Variants in TOP6BL observed in about 807,000 individuals in gnomAD.
TOP6BL encodes the protein TOP6B like initiator of meiotic double strand breaks, also known as type 2 DNA topoisomerase 6 subunit B-like.
chr11:66,821,841 A>G, the TOP6BL span: 2 of 1,532,064 alleles, frequency 1.3e-6, no homozygotes, highest in Non-Finnish European at 1.8e-6. Context: ...GGCAGGGCCC[A>G]GGAGCCCTTC....
chr11:66,790,280 A>AT, the TOP6BL span, among the ~76,000 whole-genome samples: 3 of 152,114 alleles, frequency 2.0e-5, no homozygotes, highest in African/African-American at 4.8e-5. Context: ...AAAAAAAAAA[A>AT]GATATGTTAC....
the TOP6BL span, among the ~76,000 whole-genome samples, chr11:66,819,022 A>T: frequency 6.6e-6 from 1 of 152,206 alleles, no homozygotes; most frequent in African/African-American, 2.4e-5. Flanking sequence ...GTAATTTAAG[A>T]CTAGCCTCTG....
At chr11:66,746,221 C>T in the TOP6BL span, among the ~76,000 whole-genome samples, 1 of 152,196 alleles carries the variant, frequency 6.6e-6, no homozygotes, top group Non-Finnish European at 1.5e-5. Flanking sequence ...CCAGATCTCC[C>T]TGCCTTTAAA....
the TOP6BL span, among the ~76,000 whole-genome samples, chr11:66,838,741 A>C: frequency 1.3e-5 from 2 of 151,714 alleles, no homozygotes; most frequent in Non-Finnish European, 2.9e-5. Context: ...TTTTATTTTT[A>C]TTTTTTTGAG....
chr11:66,756,479 C>T, the TOP6BL span: 3 of 1,063,306 alleles, frequency 2.8e-6, no homozygotes, highest in Middle Eastern at 5.2e-4. Flanking sequence ...ATTACAGATG[C>T]CCACCACCAT....
the TOP6BL span, among the ~76,000 whole-genome samples, chr11:66,751,498 ATTT>A: frequency 1.2e-4 from 16 of 135,870 alleles, no homozygotes; most frequent in Admixed American, 7.4e-5. Flanking sequence ...TGGCTGACTA[ATTT>A]TTTTTTTTTT....
the TOP6BL span, among the ~76,000 whole-genome samples, chr11:66,836,185 A>C: frequency 5.9e-5 from 9 of 152,118 alleles, no homozygotes; most frequent in African/African-American, 2.2e-4. Context: ...ATCTTCTTTG[A>C]AGAAAGGTCT....
At chr11:66,778,237 A>G in the TOP6BL span, among the ~76,000 whole-genome samples, 2 of 151,984 alleles carry the variant, frequency 1.3e-5, no homozygotes, top group East Asian at 3.9e-4. Context: ...TCTAGGATGA[A>G]ATTTAGGATG....
chr11:66,791,880 C>T, the TOP6BL span, among the ~76,000 whole-genome samples: 7 of 150,456 alleles, frequency 4.7e-5, no homozygotes, highest in South Asian at 4.2e-4. Context: ...TGTAGTGGCG[C>T]GATCTCAGCT....
the TOP6BL span, among the ~76,000 whole-genome samples, chr11:66,817,870 A>G: frequency 6.6e-6 from 1 of 152,096 alleles, no homozygotes; most frequent in Non-Finnish European, 1.5e-5. Context: ...AATAGAGTAA[A>G]ATTTGAAAAC....
At chr11:66,831,593 G>A in the TOP6BL span, among the ~76,000 whole-genome samples, 1 of 152,230 alleles carries the variant, frequency 6.6e-6, no homozygotes, top group East Asian at 1.9e-4. Flanking sequence ...TGGGAGGTGG[G>A]AGAGTTGGAA....
At chr11:66,793,072 C>T in the TOP6BL span, among the ~76,000 whole-genome samples, 14 of 151,382 alleles carry the variant, frequency 9.2e-5, no homozygotes, top group Admixed American at 7.3e-4. Flanking sequence ...TAATAATCCC[C>T]CATCCATTTT....
chr11:66,781,065 G>A, the TOP6BL span, among the ~76,000 whole-genome samples: 1 of 151,976 alleles, frequency 6.6e-6, no homozygotes, highest in African/African-American at 2.4e-5. Context: ...GGTTTGCTGA[G>A]CTTTTCACAC....
the TOP6BL span, among the ~76,000 whole-genome samples, chr11:66,774,382 C>T: frequency 6.6e-6 from 1 of 152,038 alleles, no homozygotes; most frequent in African/African-American, 2.4e-5. Flanking sequence ...TAGAATAAAT[C>T]TTGCTATATG....
the TOP6BL span, among the ~76,000 whole-genome samples, chr11:66,784,953 TTTC>T: frequency 2.1e-5 from 3 of 141,100 alleles, no homozygotes; most frequent in African/African-American, 8.1e-5. Flanking sequence ...ATTTCTAAGA[TTTC>T]TTTTTTTTTT....
At chr11:66,778,194 A>T in the TOP6BL span, among the ~76,000 whole-genome samples, 2 of 150,306 alleles carry the variant, frequency 1.3e-5, no homozygotes, top group Non-Finnish European at 3.0e-5. Context: ...GAGCCACTGC[A>T]CCCAGCCTTC....
the TOP6BL span, among the ~76,000 whole-genome samples, chr11:66,761,146 C>T: frequency 6.6e-6 from 1 of 151,748 alleles, no homozygotes; most frequent in Non-Finnish European, 1.5e-5. Context: ...CTGAAGTGGG[C>T]GGATCACGAG....
At chr11:66,826,751 C>T in the TOP6BL span, among the ~76,000 whole-genome samples, 4 of 151,678 alleles carry the variant, frequency 2.6e-5, no homozygotes, top group Non-Finnish European at 5.9e-5. Flanking sequence ...GGTGCAATCT[C>T]GGCTCACTGC....
At chr11:66,756,873 G>C in the TOP6BL span, among the ~76,000 whole-genome samples, 3 of 151,914 alleles carry the variant, frequency 2.0e-5, no homozygotes, top group African/African-American at 7.3e-5. Flanking sequence ...ATCATGACCT[G>C]CTAATTTTTG....
Sources: gnomAD v4.1 joint callset for allele counts (sites outside exome capture counted in the v4.1 genomes callset) on GRCh38, gnomAD v4.1.1 for gene constraint, MANE v1.5 for transcripts, NCBI Gene and HGNC (gene_info 2026-07-23, HGNC 2026-07-21) for gene names.